Variants in RPS6KA2 observed in about 807,000 individuals in gnomAD.
RPS6KA2 encodes the protein ribosomal protein S6 kinase alpha-2.
A neutral mutation model predicts 91.8 loss-of-function variants in RPS6KA2; 42 were observed. The ratio of observed to expected loss-of-function variants is 0.46; its 90% CI spans 0.36 to 0.59. RPS6KA2 has a LOEUF of 0.59. RPS6KA2 is among the 20% of genes least tolerant of loss of function. The probability of loss-of-function intolerance (pLI) is 0.00; values close to 1 mark genes in which losing one functional copy is unlikely to be tolerated. For missense variants in RPS6KA2, 798 were observed against 978.5 expected, an observed-to-expected ratio of 0.82 and a Z score of 2.46; for synonymous variants, 414 against 393.6, an observed-to-expected ratio of 1.05 and a Z score of -0.61.
At chr6:166,498,751 C>T in intron 7 of RPS6KA2, 101 bp from the exon 8 acceptor site, 1 of 1,455,854 alleles carries the variant, frequency 6.9e-7, no homozygotes, top group Non-Finnish European at 9.4e-7. Context: ...TCTGCCCCCT[C>T]TCCAGGTGGG....
intron 2 of RPS6KA2, among the ~76,000 whole-genome samples, chr6:166,655,811 T>A (rs1240737750): frequency 6.6e-6 from 1 of 152,116 alleles, no homozygotes; most frequent in Non-Finnish European, 1.5e-5. Flanking sequence ...AACAACAATC[T>A]CATCAGGTTG....
At chr6:166,576,623 G>A (rs1290834117) in intron 1 of RPS6KA2, among the ~76,000 whole-genome samples, 1 of 152,180 alleles carries the variant, frequency 6.6e-6, no homozygotes, top group East Asian at 1.9e-4. Flanking sequence ...GTATCTGGCG[G>A]AAGAACTTTC....
At chr6:166,506,657 A>G (rs1471405337) in intron 5 of RPS6KA2, among the ~76,000 whole-genome samples, 5 of 152,232 alleles carry the variant, frequency 3.3e-5, no homozygotes, top group African/African-American at 1.2e-4. Context: ...TGCTGGACGC[A>G]GAGGGACAGG....
intron 16 of RPS6KA2, among the ~76,000 whole-genome samples, chr6:166,427,804 T>C: frequency 6.6e-6 from 1 of 151,934 alleles, no homozygotes; most frequent in Non-Finnish European, 1.5e-5. Flanking sequence ...AATAAAAGGA[T>C]ACAAACAAAT....
chr6:166,532,828 A>T (rs1040626210), intron 2 of RPS6KA2, among the ~76,000 whole-genome samples: 23 of 147,664 alleles, frequency 1.6e-4, no homozygotes, highest in Middle Eastern at 3.2e-3. Context: ...GTGGAGTGTG[A>T]GAGAGAGAGA....
Position 166,433,297 on chromosome 6 carries a change from C to T in RPS6KA2, c.1333-807G>A, listed in dbSNP as rs369612725. 5.3e-5 allele frequency among the ~76,000 whole-genome samples: 8 copies of T among 152,158 alleles called. No individual in the cohort carries two copies. The highest frequency in any genetic ancestry group is 2.1e-4 in the South Asian group (1 of 4,830). On this transcript the variant is annotated intron_variant, in intron 14 of 20. Transcript: ENST00000265678. The surrounding 1 kb of genome is among the most constrained non-coding windows in gnomAD (Gnocchi z 4.4). ...TAGACATATGCAAGCTCCCCTCCCC[C>T]GCCCAGCATCTGTATCCGATGTCTT... is the stretch of plus-strand genomic sequence containing the variant.
At position 166,494,328 on chromosome 6, in the gene RPS6KA2, G is replaced by A. The variant is rs575623426; in HGVS notation, c.748-3587C>T. Among the ~76,000 whole-genome samples, 2 of 152,282 alleles carry A rather than the reference G, an allele frequency of 1.3e-5. No individual in the cohort carries two copies. The highest frequency in any genetic ancestry group is 4.1e-4 in the South Asian group (2 of 4,824). On this transcript the variant is annotated intron_variant, in intron 8 of 20. Transcript: ENST00000265678. The surrounding 1 kb of genome is among the most constrained non-coding windows in gnomAD (Gnocchi z 5.1). ...TCTCAAAACAGCCTTGGAAGGTGCC[G>A]TTCCTCACAACCGTCTACAGATGAA...
rs142897383 is a variant in RPS6KA2 at position 166,681,472 on chromosome 6, C to A, written c.124-142688G>T. ...TATCTGCACCCTCCACACGGCATCT[C>A]CTACCCCTAATTCCTCTCTGACACC... On this transcript the variant is annotated intron_variant, in intron 2 of 21. Transcript: ENST00000503859. 3.1e-3 allele frequency among the ~76,000 whole-genome samples: 466 copies of A among 152,302 alleles called. 1 individual carries two copies. Among genetic ancestry groups the A allele is most frequent in the African/African-American group, 0.011 (449 of 41,546 alleles).
chr6:166,575,446 G>A (rs567026952), intron 1 of RPS6KA2, among the ~76,000 whole-genome samples: 11 of 152,224 alleles, frequency 7.2e-5, no homozygotes, highest in East Asian at 1.9e-4. Flanking sequence ...GCTCATTTCC[G>A]GTTCATTGTG....
chr6:166,786,237 A>G (rs1778926366), intron 2 of RPS6KA2, among the ~76,000 whole-genome samples: 1 of 152,248 alleles, frequency 6.6e-6, no homozygotes, highest in African/African-American at 2.4e-5. Context: ...CAGGAGTGGC[A>G]GCCTGGCTCA....
intron 2 of RPS6KA2, among the ~76,000 whole-genome samples, chr6:166,854,341 C>G (rs6456129): frequency 2.6e-5 from 4 of 152,098 alleles, no homozygotes; most frequent in African/African-American, 9.7e-5. Flanking sequence ...CCTAGATATC[C>G]TATGTGAGCT....
At chr6:166,562,626 T>C (rs1784376787) in intron 1 of RPS6KA2, among the ~76,000 whole-genome samples, 1 of 152,150 alleles carries the variant, frequency 6.6e-6, no homozygotes, top group Non-Finnish European at 1.5e-5. Context: ...AAGCCTTGAG[T>C]ATGTCAAAGT....
chr6:166,757,803 A>C, intron 2 of RPS6KA2: 3 of 284,796 alleles, frequency 1.1e-5, no homozygotes, highest in African/African-American at 2.3e-5. Context: ...AGTTGAAAAA[A>C]CTCTGGCTGC....
chr6:166,844,950 T>C (rs901117714), intron 2 of RPS6KA2, among the ~76,000 whole-genome samples: 3 of 152,108 alleles, frequency 2.0e-5, no homozygotes, highest in African/African-American at 7.2e-5. Flanking sequence ...TAACATTGAA[T>C]GTAAATGGCC....
intron 12 of RPS6KA2, among the ~76,000 whole-genome samples, chr6:166,457,058 T>G (rs1199776326): frequency 6.6e-6 from 1 of 152,222 alleles, no homozygotes; most frequent in Non-Finnish European, 1.5e-5. Flanking sequence ...TTGACTGTAT[T>G]AACATTTTCT....
chr6:166,527,574 C>T (rs927213783), intron 3 of RPS6KA2, among the ~76,000 whole-genome samples: 5 of 152,224 alleles, frequency 3.3e-5, no homozygotes, highest in African/African-American at 1.2e-4. Flanking sequence ...ATATAATTCA[C>T]ATTCCATATG....
intron 1 of RPS6KA2, among the ~76,000 whole-genome samples, chr6:166,618,838 G>A (rs922382754): frequency 6.6e-6 from 1 of 152,208 alleles, no homozygotes; most frequent in Non-Finnish European, 1.5e-5. Context: ...CATGAGCCTT[G>A]ACACCGCAGT....
At chr6:166,527,013 G>A (rs535173423) in intron 3 of RPS6KA2, among the ~76,000 whole-genome samples, 17 of 152,350 alleles carry the variant, frequency 1.1e-4, no homozygotes, top group Middle Eastern at 3.4e-3. Context: ...CAAGGACACT[G>A]TGGACTGGAT....
chr6:166,513,245 G>A (rs1782531791), intron 3 of RPS6KA2, among the ~76,000 whole-genome samples: 1 of 152,200 alleles, frequency 6.6e-6, no homozygotes, highest in Non-Finnish European at 1.5e-5. Context: ...AGCAGGCAGT[G>A]CTGTGGGCAG....
Sources: gnomAD v4.1 joint callset for allele counts (sites outside exome capture counted in the v4.1 genomes callset) on GRCh38, gnomAD v4.1.1 for gene constraint, Gnocchi (gnomAD v3.1) non-coding constraint, MANE v1.5 for transcripts, NCBI Gene and HGNC (gene_info 2026-07-23, HGNC 2026-07-21) for gene names.